AGTPBP1: variants seen among roughly 807,000 people sequenced by gnomAD.
The protein encoded by AGTPBP1 is cytosolic carboxypeptidase 1.
In AGTPBP1, 70 loss-of-function variants were observed where a neutral mutation model predicts 143.9. The ratio of observed to expected loss-of-function variants is 0.49; its 90% CI spans 0.40 to 0.59. The LOEUF is 0.59. Ranked by LOEUF, AGTPBP1 falls within the 20% of genes least tolerant of loss-of-function variation. The probability of loss-of-function intolerance (pLI) is 0.00; values close to 1 mark genes in which losing one functional copy is unlikely to be tolerated. For missense variants in AGTPBP1, 1,229 were observed against 1,464.5 expected (o/e 0.84, Z 2.62); for synonymous variants, 463 against 500.2 (o/e 0.93, Z 0.99).
intron 17 of AGTPBP1, among the ~76,000 whole-genome samples, chr9:85,606,035 T>A (rs992645303): frequency 2.0e-5 from 3 of 151,906 alleles, no homozygotes; most frequent in African/African-American, 7.2e-5. Context: ...CAGGAGTAAG[T>A]CCTTACCTAT....
chr9:85,752,532 G>GA, the AGTPBP1 span, among the ~76,000 whole-genome samples: 2 of 152,054 alleles, frequency 1.3e-5, no homozygotes, highest in African/African-American at 2.4e-5. Context: ...CACGAAGAAT[G>GA]AAAAAAACGC....
At chr9:85,609,520 A>T (rs1830190293) in intron 17 of AGTPBP1, among the ~76,000 whole-genome samples, 1 of 152,148 alleles carries the variant, frequency 6.6e-6, no homozygotes, top group Non-Finnish European at 1.5e-5. Flanking sequence ...TGACCTGGTG[A>T]TCCGCCTGCC....
At chr9:85,725,599 T>C (rs1182489173) in intron 1 of AGTPBP1, among the ~76,000 whole-genome samples, 2 of 151,900 alleles carry the variant, frequency 1.3e-5, no homozygotes, top group Admixed American at 6.6e-5. Flanking sequence ...TAATGGAAAA[T>C]TGGAGAGAAA....
chr9:85,633,694 G>C (rs1436036922), intron 13 of AGTPBP1, among the ~76,000 whole-genome samples: 1 of 151,994 alleles, frequency 6.6e-6, no homozygotes, highest in African/African-American at 2.4e-5. Flanking sequence ...TACAGTGTCT[G>C]TTTTGTGCAA....
chr9:85,632,847 C>G lies in AGTPBP1; in HGVS notation c.1830G>C (p.Ser610=). The G allele has an allele frequency of 6.2e-7, 1 of 1,614,104 alleles. No homozygotes were observed. Among genetic ancestry groups the G allele is most frequent in the South Asian group, 1.1e-5 (1 of 91,080 alleles). ...GTACTTCAACCGATGCTTGTTCTAC[C>G]GATGAATTTGACTCAGTATCTTCAT... ...EDDEDTESNS[S]VEQASVEVPD... Residue 610 remains serine, a synonymous_variant, in exon 14 of 26, where the codon TCG becomes TCC. Coordinates refer to ENST00000357081, the MANE Select transcript of AGTPBP1 (RefSeq NM_001330701.2).
chr9:85,688,342 C>T (rs1189242065), intron 3 of AGTPBP1, among the ~76,000 whole-genome samples: 2 of 151,928 alleles, frequency 1.3e-5, no homozygotes, highest in African/African-American at 4.8e-5. Context: ...GTGGGCTGAT[C>T]TATATATTAT....
the AGTPBP1 span, among the ~76,000 whole-genome samples, chr9:85,767,440 C>T: frequency 6.6e-6 from 1 of 151,704 alleles, no homozygotes; most frequent in Admixed American, 6.6e-5. Flanking sequence ...CTCCGCCTGC[C>T]TGGTTCAAGC....
intron 8 of AGTPBP1, 35 bp downstream of exon 8, chr9:85,669,450 C>CGT: frequency 7.3e-7 from 1 of 1,364,126 alleles, no homozygotes; most frequent in South Asian, 1.2e-5. Context: ...GTAACAAAGG[C>CGT]TATACCTATG....
At chr9:85,620,729 C>T (rs1830880754) in intron 15 of AGTPBP1, among the ~76,000 whole-genome samples, 1 of 151,888 alleles carries the variant, frequency 6.6e-6, no homozygotes, top group Admixed American at 6.5e-5. Flanking sequence ...ATGACTGAGC[C>T]GATTATAAGC....
At chr9:85,630,591 T>A (rs1160972218) in intron 14 of AGTPBP1, among the ~76,000 whole-genome samples, 2 of 152,046 alleles carry the variant, frequency 1.3e-5, no homozygotes, top group Non-Finnish European at 2.9e-5. Flanking sequence ...GCGATGCTCC[T>A]CCCTCAGCCT....
chr9:85,570,836 G>A (rs2132980670), intron 25 of AGTPBP1, among the ~76,000 whole-genome samples: 2 of 152,320 alleles, frequency 1.3e-5, no homozygotes, highest in East Asian at 3.9e-4. Flanking sequence ...TTGGATTGTT[G>A]GAGCCTAAGC....
chr9:85,693,851 A>G (rs1444458128), intron 2 of AGTPBP1, among the ~76,000 whole-genome samples: 1 of 152,150 alleles, frequency 6.6e-6, no homozygotes, highest in Admixed American at 6.6e-5. Context: ...GACCACTGAG[A>G]AGGTACCATT....
At chr9:85,799,037 T>A in the AGTPBP1 span, among the ~76,000 whole-genome samples, 8,777 of 152,168 alleles carry the variant, frequency 0.058, 827 homozygotes, top group African/African-American at 0.19. Flanking sequence ...TGTGTCCAAA[T>A]GTTCTCATTG....
At chr9:85,593,200 C>T (rs1253919886) in intron 18 of AGTPBP1, among the ~76,000 whole-genome samples, 3 of 152,140 alleles carry the variant, frequency 2.0e-5, no homozygotes, top group Non-Finnish European at 4.4e-5. Flanking sequence ...CTTGCCAAAA[C>T]CAAACCTGAA....
At chr9:85,633,409 G>A (rs759997513) in intron 13 of AGTPBP1, 35 bp from the exon 14 acceptor site, 14 of 1,423,352 alleles carry the variant, frequency 9.8e-6, no homozygotes, top group Middle Eastern at 1.8e-4. Context: ...TCTTTTAACT[G>A]TAAATATTAA....
intron 22 of AGTPBP1, among the ~76,000 whole-genome samples, chr9:85,586,159 G>A (rs1472947010): frequency 1.4e-4 from 21 of 150,984 alleles, no homozygotes; most frequent in Admixed American, 1.4e-3. Context: ...GTTGCAGTGA[G>A]CCGAGGTTGC....
intron 1 of AGTPBP1, among the ~76,000 whole-genome samples, chr9:85,713,009 T>G (rs1356529951): frequency 2.6e-5 from 4 of 152,212 alleles, no homozygotes; most frequent in Non-Finnish European, 4.4e-5. Context: ...CATTTTCAAA[T>G]TAGTAAAAGC....
intron 2 of AGTPBP1, among the ~76,000 whole-genome samples, chr9:85,700,399 CA>C (rs373498592): frequency 1.1e-4 from 17 of 152,226 alleles, no homozygotes; most frequent in Middle Eastern, 3.4e-3. Context: ...AGAGATGTGG[CA>C]AATGGTGCAC....
Position 85,547,267 on chromosome 9 carries a change from C to T in AGTPBP1, c.3523G>A (p.Asp1175Asn). Residue 1175 changes from aspartate (D) to asparagine (N), a missense_variant, in exon 26 of 26, where the codon GAT (aspartate) becomes AAT (asparagine). This residue lies in a region of AGTPBP1 where 486 missense variants were observed against 652.3 expected (regional missense o/e 0.75). Transcript: ENST00000357081. ...KVTSPTTYVL[D>N]EDEPRFLEEV... ...TCAAGGAATCGAGGTTCATCTTCAT[C>T]CAAGACATAAGTGGTAGGGCTGCAG... The T allele has an allele frequency of 1.9e-6, 3 of 1,611,410 alleles. No individual in the cohort carries two copies. Among genetic ancestry groups the T allele is most frequent in the Non-Finnish European group, 2.5e-6 (3 of 1,179,054 alleles).
Sources: gnomAD v4.1 joint callset for allele counts (sites outside exome capture counted in the v4.1 genomes callset) on GRCh38, gnomAD v4.1.1 for gene constraint, gnomAD v4.1.1 regional missense constraint, MANE v1.5 for transcripts, NCBI Gene and HGNC (gene_info 2026-07-23, HGNC 2026-07-21) for gene names.